The following CMSS1 variants were observed in gnomAD, a reference collection of about 807,000 sequenced individuals.
The protein encoded by CMSS1 is protein CMSS1.
A neutral mutation model predicts 43.5 loss-of-function variants in CMSS1; 33 were observed. The ratio of observed to expected loss-of-function variants is 0.76; its 90% confidence interval spans 0.57 to 1.01. CMSS1 has a LOEUF of 1.01. Among genes scored for constraint, CMSS1 ranks in the 50% least tolerant of loss-of-function variants. The probability of loss-of-function intolerance (pLI) is 0.00; values close to 1 mark genes in which losing one functional copy is unlikely to be tolerated. For missense variants in CMSS1, 313 were observed against 326.4 expected (o/e 0.96, Z 0.32); for synonymous variants, 115 against 117.2 (o/e 0.98, Z 0.12).
intron 1 of CMSS1, among the ~76,000 whole-genome samples, chr3:99,967,842 A>G (rs967218400): frequency 4.6e-5 from 7 of 152,156 alleles, no homozygotes; most frequent in Admixed American, 3.3e-4. Context: ...TGATGTGGAG[A>G]ATGAAAGAGA....
At chr3:99,989,952 A>C (rs1490518473) in intron 1 of CMSS1, among the ~76,000 whole-genome samples, 1 of 152,116 alleles carries the variant, frequency 6.6e-6, no homozygotes, top group African/African-American at 2.4e-5. Flanking sequence ...TAAGAGTGCA[A>C]GAGAGAGTTA....
chr3:99,849,988 T>C lies in CMSS1; in HGVS notation c.64+31945T>C. 1 of 1,612,128 alleles carries C rather than the reference T, an allele frequency of 6.2e-7. No individual in the cohort carries two copies. Among genetic ancestry groups the C allele is most frequent in the Non-Finnish European group, 8.5e-7 (1 of 1,179,620 alleles). ...CAATTTGTTTTTTAAATCATCTCTC[T>C]CCTTGGTTACGCTGTACATCTTTTC... On this transcript the variant is annotated intron_variant, in intron 1 of 9. Transcript: ENST00000421999.
Position 100,104,406 on chromosome 3 carries a change from A to G in CMSS1, c.65-42567A>G, listed in dbSNP as rs572429685. On this transcript the variant is annotated intron_variant, in intron 1 of 9. Transcript: ENST00000421999. ...TGAGCTACACTTTTTTTTACACAAG[A>G]AATGTGACCCACACTTTGTTTGAGA... is the stretch of plus-strand genomic sequence containing the variant. 4.6e-5 allele frequency among the ~76,000 whole-genome samples: 7 copies of G among 152,280 alleles called. No homozygotes were observed. The East Asian group carries it at 1.4e-3, about 29-fold the overall frequency.
intron 1 of CMSS1, among the ~76,000 whole-genome samples, chr3:99,840,204 AAATT>A (rs1943070014): frequency 6.6e-6 from 1 of 151,414 alleles, no homozygotes; most frequent in African/African-American, 2.4e-5. Context: ...GGGGTAAAAG[AAATT>A]AATTCGTAGA....
At chr3:100,037,956 T>TGG (rs1313968492) in intron 1 of CMSS1, among the ~76,000 whole-genome samples, 1 of 87,814 alleles carries the variant, frequency 1.1e-5, no homozygotes, top group African/African-American at 4.1e-5. Flanking sequence ...TTTTTTTTTT[T>TGG]GGGGGGGGAG....
At position 100,119,392 on chromosome 3, in the gene CMSS1, A is replaced by T. The variant is rs117372063; in HGVS notation, c.65-27581A>T. Among the ~76,000 whole-genome samples, 92 of 152,320 alleles carry T rather than the reference A, an allele frequency of 6.0e-4. No homozygotes were observed. The East Asian group carries it at 0.015, about 25-fold the overall frequency. ...ACTGTCCCCTCTGTATCCCAGATGG[A>T]TCATGTAACCCTCATAGTGCTCCCA... On this transcript the variant is annotated intron_variant, in intron 1 of 9. Coordinates refer to ENST00000421999, the MANE Select transcript of CMSS1 (RefSeq NM_032359.4).
At chr3:99,829,093 TC>T (rs1308993520) in intron 1 of CMSS1, among the ~76,000 whole-genome samples, 1 of 152,102 alleles carries the variant, frequency 6.6e-6, no homozygotes, top group Admixed American at 6.5e-5. Flanking sequence ...GAATGGGAGT[TC>T]CTTTACTCTT....
At position 100,112,890 on chromosome 3, in the gene CMSS1, T is replaced by C. The variant is rs577355758; in HGVS notation, c.65-34083T>C. Among the ~76,000 whole-genome samples the C allele has an allele frequency of 4.6e-5, 7 of 152,368 alleles. No individual in the cohort carries two copies. In the South Asian group the frequency reaches 6.2e-4, roughly 14 times the overall value. ...CTGATAAATGTAGAGAAATGTTTAC[T>C]TGGAATATTTGGCTTTGGGAGATAG... On this transcript the variant is annotated intron_variant, in intron 1 of 9. Transcript: ENST00000421999.
chr3:100,002,094 T>C (rs958306356), intron 1 of CMSS1, among the ~76,000 whole-genome samples: 3 of 152,268 alleles, frequency 2.0e-5, no homozygotes, highest in Admixed American at 1.3e-4. Flanking sequence ...CCACTGCAAG[T>C]GGAAAACATG....
At chr3:99,985,052 G>C (rs983867016) in intron 1 of CMSS1, among the ~76,000 whole-genome samples, 1 of 152,170 alleles carries the variant, frequency 6.6e-6, no homozygotes, top group African/African-American at 2.4e-5. Context: ...AGGGTACCAG[G>C]TATATATGGT....
chr3:100,051,320 T>C (rs1333216787), intron 1 of CMSS1: 1 of 152,028 alleles, frequency 6.6e-6, no homozygotes, highest in Non-Finnish European at 1.5e-5. Flanking sequence ...AATAATTTTA[T>C]TTCAAAATTT....
chr3:100,054,222 A>C (rs1480100842), intron 1 of CMSS1, among the ~76,000 whole-genome samples: 1 of 152,212 alleles, frequency 6.6e-6, no homozygotes, highest in Non-Finnish European at 1.5e-5. Flanking sequence ...TAACCGAGAC[A>C]TCACATTCCC....
intron 1 of CMSS1, among the ~76,000 whole-genome samples, chr3:99,970,357 G>T (rs114093938): frequency 6.6e-6 from 1 of 152,228 alleles, no homozygotes; most frequent in Non-Finnish European, 1.5e-5. Context: ...GGTGTGTGAG[G>T]TGGATGAGAC....
chr3:100,150,201 A>G (rs1488367340), intron 2 of CMSS1, among the ~76,000 whole-genome samples: 1 of 152,080 alleles, frequency 6.6e-6, no homozygotes, highest in Non-Finnish European at 1.5e-5. Context: ...ATAGAACTTG[A>G]GTCTCCAGCT....
chr3:100,084,480 A>G (rs1209820486), intron 1 of CMSS1, among the ~76,000 whole-genome samples: 1 of 152,208 alleles, frequency 6.6e-6, no homozygotes, highest in Non-Finnish European at 1.5e-5. Flanking sequence ...AAAATGAATA[A>G]AGCCTTTCAG....
chr3:100,036,189 G>T (rs1420318066), intron 1 of CMSS1, among the ~76,000 whole-genome samples: 2 of 152,122 alleles, frequency 1.3e-5, no homozygotes, highest in Admixed American at 1.3e-4. Context: ...AACTAAAAAG[G>T]TCTAGAATCA....
chr3:100,181,651 T>C lies in CMSS1; in HGVS notation c.*3263T>C, dbSNP rs895617643. On this transcript the variant is annotated 3_prime_UTR_variant, in exon 10 of 10. Coordinates refer to ENST00000421999, the MANE Select transcript of CMSS1 (RefSeq NM_032359.4). ...ACACTTTTGAACAGTATCCATCGTG[T>C]ATTTTGTAGAATGTCCTTCAATTTG... 6.6e-6 allele frequency: 1 copy of C among 152,240 alleles called. No homozygotes were observed. The highest frequency in any genetic ancestry group is 2.4e-5 in the African/African-American group (1 of 41,466). 9.4% of individuals were successfully genotyped at this position (152,240 alleles called of 1,614,324 possible). A position where few individuals can be genotyped will look rare whatever the true frequency, so the allele number is the denominator to read the frequency against.
In CMSS1 at chr3:99,950,649, A is replaced by G. The variant is rs139937871; in HGVS notation, c.64+132606A>G. Among the ~76,000 whole-genome samples the G allele has an allele frequency of 7.3e-3, 1,107 of 152,282 alleles. 18 individuals carry two copies. Among genetic ancestry groups the G allele is most frequent in the African/African-American group, 0.025 (1,020 of 41,554 alleles). ...TGACTATCCCCACTCACCATTTCCAATATTCGCCTCCCCAGACAGAAAGAG... is the reference window on the plus strand; with the variant it reads ...TGACTATCCCCACTCACCATTTCCAGTATTCGCCTCCCCAGACAGAAAGAG... On this transcript the variant is annotated intron_variant, in intron 1 of 9. Transcript: ENST00000421999.
chr3:100,104,580 A>G (rs1390582850), intron 1 of CMSS1, among the ~76,000 whole-genome samples: 1 of 152,150 alleles, frequency 6.6e-6, no homozygotes, highest in African/African-American at 2.4e-5. Context: ...GGCAGAGAAG[A>G]ACCGAGTACA....
Sources: allele counts gnomAD v4.1 joint callset (sites outside exome capture counted in the v4.1 genomes callset), GRCh38; gene constraint gnomAD v4.1.1; transcripts MANE v1.5; gene names NCBI Gene and HGNC (gene_info 2026-07-23, HGNC 2026-07-21).